The following LDLRAD3 variants were observed in gnomAD, a reference collection of about 807,000 sequenced individuals.
The protein encoded by LDLRAD3 is low density lipoprotein receptor class A domain containing 3.
LDLRAD3 carries 20 observed loss-of-function variants against 29.4 expected under a neutral mutation model. That is an observed-to-expected ratio of 0.68 (90% CI 0.48 to 0.99). The LOEUF (loss-of-function observed/expected upper bound fraction) is 0.99. Ranked by LOEUF, LDLRAD3 falls within the 50% of genes least tolerant of loss-of-function variation. The pLI, the probability that LDLRAD3 is intolerant of heterozygous loss-of-function variation, is 0.00. For synonymous variants in LDLRAD3, 157 were observed against 192.7 expected (o/e 0.81, Z 1.53); for missense variants, 420 against 454.3 (o/e 0.92, Z 0.69).
At chr11:35,993,654 A>G (rs1418407888) in intron 1 of LDLRAD3, among the ~76,000 whole-genome samples, 1 of 149,290 alleles carries the variant, frequency 6.7e-6, no homozygotes, top group Non-Finnish European at 1.5e-5. Flanking sequence ...AGTCCTGGCC[A>G]GAGATACAAA....
At chr11:36,078,423 G>A (rs1853052747) in intron 2 of LDLRAD3, among the ~76,000 whole-genome samples, 1 of 152,230 alleles carries the variant, frequency 6.6e-6, no homozygotes, top group Non-Finnish European at 1.5e-5. Context: ...AAGTCCGGAG[G>A]CGGCTGAAGT....
chr11:36,052,464 C>T (rs1438507975), intron 2 of LDLRAD3, among the ~76,000 whole-genome samples: 1 of 152,140 alleles, frequency 6.6e-6, no homozygotes, highest in Admixed American at 6.5e-5. Flanking sequence ...AAGATTATAT[C>T]CCTGTTAACA....
chr11:35,996,003 G>GT (rs1029094247), intron 1 of LDLRAD3, among the ~76,000 whole-genome samples: 2 of 152,174 alleles, frequency 1.3e-5, no homozygotes, highest in African/African-American at 4.8e-5. Context: ...CAATAAGGCT[G>GT]TTTTGCTTTC....
intron 2 of LDLRAD3, among the ~76,000 whole-genome samples, chr11:36,080,886 C>A (rs1384676620): frequency 1.3e-5 from 2 of 152,174 alleles, no homozygotes; most frequent in Non-Finnish European, 2.9e-5. Context: ...CCACCAGGGA[C>A]ACTCACTAGA....
chr11:35,989,101 T>C (rs1198522936), intron 1 of LDLRAD3: 1 of 152,258 alleles, frequency 6.6e-6, no homozygotes, highest in Non-Finnish European at 1.5e-5. Context: ...GCTAGCCAGA[T>C]ATCCCAGCAC....
At position 36,199,975 on chromosome 11, in the gene LDLRAD3, C is replaced by T. The variant is rs1341093682; in HGVS notation, c.455-27110C>T. On this transcript the variant is annotated intron_variant, in intron 4 of 5. Coordinates refer to ENST00000315571, the MANE Select transcript of LDLRAD3 (RefSeq NM_174902.4). ...TGAGGTCAGGAGTTCAAGAACAGGC[C>T]GGCCAACATGGTGAAACCCCATCTC... 5.3e-5 allele frequency among the ~76,000 whole-genome samples: 8 copies of T among 151,866 alleles called. No homozygotes were observed. The South Asian group carries it at 6.2e-4, about 12-fold the overall frequency.
chr11:36,034,515 G>C (rs973553564), intron 1 of LDLRAD3, among the ~76,000 whole-genome samples: 1 of 152,226 alleles, frequency 6.6e-6, no homozygotes, highest in African/African-American at 2.4e-5. Flanking sequence ...GAGTTCTCCA[G>C]TGAGCGATGA....
chr11:36,142,550 A>G (rs1028062848), intron 4 of LDLRAD3, among the ~76,000 whole-genome samples: 1 of 152,118 alleles, frequency 6.6e-6, no homozygotes, highest in Non-Finnish European at 1.5e-5. Context: ...CGGTTACTTG[A>G]TCCACAGTGC....
intron 1 of LDLRAD3, chr11:35,988,968 T>A (rs1851653457): frequency 6.6e-6 from 1 of 152,240 alleles, no homozygotes; most frequent in South Asian, 2.1e-4. Context: ...ATGTCCAGAA[T>A]AGTATTTCCT....
chr11:36,161,065 G>A (rs1006281188), intron 4 of LDLRAD3, among the ~76,000 whole-genome samples: 7 of 152,196 alleles, frequency 4.6e-5, no homozygotes, highest in Non-Finnish European at 7.3e-5. Flanking sequence ...AAAGTGCTGG[G>A]ATTACAGGCG....
At chr11:36,017,242 G>A (rs1852034502) in intron 1 of LDLRAD3, among the ~76,000 whole-genome samples, 1 of 152,236 alleles carries the variant, frequency 6.6e-6, no homozygotes, top group Non-Finnish European at 1.5e-5. Context: ...TTGAGCAGGA[G>A]CATTACTAGG....
At chr11:35,977,231 T>C (rs1851487682) in intron 1 of LDLRAD3, among the ~76,000 whole-genome samples, 1 of 152,130 alleles carries the variant, frequency 6.6e-6, no homozygotes, top group African/African-American at 2.4e-5. Flanking sequence ...CCATGTCATC[T>C]GAATTCCAGT....
chr11:36,204,641 C>T (rs912190920), intron 4 of LDLRAD3, among the ~76,000 whole-genome samples: 4 of 152,066 alleles, frequency 2.6e-5, no homozygotes, highest in South Asian at 2.1e-4. Flanking sequence ...GCACCCACCA[C>T]CACGCCCTGC....
intron 4 of LDLRAD3, among the ~76,000 whole-genome samples, chr11:36,193,247 G>A (rs1428956900): frequency 6.6e-6 from 1 of 152,114 alleles, no homozygotes; most frequent in Non-Finnish European, 1.5e-5. Context: ...ACTAGTGAGA[G>A]CTCAATTCAT....
chr11:36,204,498 CTT>C (rs56354406), intron 4 of LDLRAD3, among the ~76,000 whole-genome samples: 63,985 of 144,966 alleles, frequency 0.44, 14,644 homozygotes, highest in Middle Eastern at 0.54. Flanking sequence ...CTCTCTCTTT[CTT>C]TTTTTTTTTT....
At chr11:36,078,697 C>T (rs1297851932) in intron 2 of LDLRAD3, among the ~76,000 whole-genome samples, 3 of 152,196 alleles carry the variant, frequency 2.0e-5, no homozygotes, top group Non-Finnish European at 2.9e-5. Flanking sequence ...CTCCATGCTT[C>T]TGCTGACACT....
In LDLRAD3 at chr11:36,130,902, T is replaced by C. The variant is rs149892941; in HGVS notation, c.454+32441T>C. 3.2e-4 allele frequency among the ~76,000 whole-genome samples: 48 copies of C among 152,324 alleles called. No individual in the cohort carries two copies. In the East Asian group the frequency reaches 9.1e-3, roughly 29 times the overall value. Reference sequence around the variant, plus strand: ...CCAAGTCCAGTGCGCACTATCTCTTTCATGGACTGCCTCCCATTCTCAGGA... The same window carrying C: ...CCAAGTCCAGTGCGCACTATCTCTTCCATGGACTGCCTCCCATTCTCAGGA... On this transcript the variant is annotated intron_variant, in intron 4 of 5. Coordinates refer to ENST00000315571, the MANE Select transcript of LDLRAD3 (RefSeq NM_174902.4).
In LDLRAD3 at chr11:36,127,407, G is replaced by A. The variant is rs557248874; in HGVS notation, c.454+28946G>A. Among the ~76,000 whole-genome samples the A allele has an allele frequency of 4.6e-5, 7 of 152,230 alleles. No homozygotes were observed. The South Asian group carries it at 1.5e-3, about 32-fold the overall frequency. ...TAGTACATGCTGTTTAATCCTGGCT[G>A]GTTCCTTAAATCTCACTTTGTCTCA... On this transcript the variant is annotated intron_variant, in intron 4 of 5. Coordinates refer to ENST00000315571, the MANE Select transcript of LDLRAD3 (RefSeq NM_174902.4).
At chr11:36,125,044 C>T (rs1477044958) in intron 4 of LDLRAD3, among the ~76,000 whole-genome samples, 1 of 152,164 alleles carries the variant, frequency 6.6e-6, no homozygotes, top group Non-Finnish European at 1.5e-5. Flanking sequence ...CCTGCAAGGT[C>T]ACCCGTTCTA....
Sources: allele counts gnomAD v4.1 joint callset (sites outside exome capture counted in the v4.1 genomes callset), GRCh38; gene constraint gnomAD v4.1.1; transcripts MANE v1.5; gene names NCBI Gene and HGNC (gene_info 2026-07-23, HGNC 2026-07-21).